LVRN: variants seen among roughly 807,000 people sequenced by gnomAD.
LVRN encodes laeverin.
In LVRN, 99 loss-of-function variants were observed where a neutral mutation model predicts 111.4. That is an observed-to-expected ratio of 0.89 (90% CI 0.76 to 1.05). The LOEUF is 1.05. LVRN is among the 50% of genes least tolerant of loss of function. The pLI, the probability that LVRN is intolerant of heterozygous loss-of-function variation, is 0.00. For synonymous variants in LVRN, 488 were observed against 449.5 expected (o/e 1.09, Z -1.08); for missense variants, 1,414 against 1,206.8 (o/e 1.17, Z -2.54).
intron 13 of LVRN, among the ~76,000 whole-genome samples, chr5:116,007,852 A>T (rs942265012): frequency 1.3e-5 from 2 of 152,128 alleles, no homozygotes; most frequent in Non-Finnish European, 2.9e-5. Flanking sequence ...CTTTTTCATG[A>T]TTGTTATATC....
rs1448630095 is a variant in LVRN at position 116,001,080 on chromosome 5, A to G, written c.1661A>G (p.Gln554Arg). The G allele has an allele frequency of 2.5e-6, 4 of 1,607,052 alleles. No individual in the cohort carries two copies. The highest frequency in any genetic ancestry group is 2.2e-5 in the South Asian group (2 of 89,612). ...WRHFQMAIDD[Q>R]STVILPATIK... Reference sequence around the variant, plus strand: ...TTTTTAAAACAGGCCATAGATGACCAGAGTACAGTTATTTTGCCAGCAACA... The same window carrying G: ...TTTTTAAAACAGGCCATAGATGACCGGAGTACAGTTATTTTGCCAGCAACA... The change falls in exon 10 of 20, where the codon CAG (glutamine) becomes CGG (arginine). Residue 554 changes from glutamine to arginine, a missense_variant. Coordinates refer to ENST00000357872, the MANE Select transcript of LVRN (RefSeq NM_173800.5).
intron 18 of LVRN, 50 bp downstream of exon 18, chr5:116,015,815 C>A: frequency 6.3e-7 from 1 of 1,598,434 alleles, no homozygotes; most frequent in South Asian, 1.1e-5. Context: ...TGGTTTGGCA[C>A]TGGAAGCTCA....
At chr5:115,971,856 A>G (rs989406781) in intron 1 of LVRN, among the ~76,000 whole-genome samples, 2 of 152,078 alleles carry the variant, frequency 1.3e-5, no homozygotes, top group Admixed American at 6.5e-5. Context: ...AAAGAAAAAA[A>G]AGCACCTGCT....
At chr5:115,987,434 A>G (rs973710643) in intron 3 of LVRN, among the ~76,000 whole-genome samples, 3 of 152,148 alleles carry the variant, frequency 2.0e-5, no homozygotes, top group East Asian at 3.8e-4. Context: ...TCACAGTGCA[A>G]TTCTGTTTTG....
intron 1 of LVRN, among the ~76,000 whole-genome samples, chr5:115,964,577 A>T (rs904951960): frequency 2.0e-5 from 3 of 151,264 alleles, no homozygotes; most frequent in Non-Finnish European, 4.4e-5. Context: ...AAAAAATAGA[A>T]ACACTTCACC....
chr5:115,995,737 C>A (rs1203303246), intron 6 of LVRN, among the ~76,000 whole-genome samples: 1 of 152,202 alleles, frequency 6.6e-6, no homozygotes, highest in Non-Finnish European at 1.5e-5. Context: ...AGTCCTCAAA[C>A]CAACCATATG....
At chr5:116,002,763 C>G in intron 10 of LVRN, 72 bp from the exon 11 acceptor site, 1 of 1,140,054 alleles carries the variant, frequency 8.8e-7, no homozygotes, top group East Asian at 2.5e-5. Flanking sequence ...TTCATCATCT[C>G]TTTAATAGTG....
In LVRN at chr5:115,992,227, G is replaced by GA; in HGVS notation, c.1217dup (p.Thr407AspfsTer39). ...GTTGGAACCAAAAGATCAACTGACA[G>GA]AAAAAAAGACTCTGATCTCCTATGT... On this transcript the variant is annotated frameshift_variant, in exon 5 of 20. Coordinates refer to ENST00000357872, the MANE Select transcript of LVRN (RefSeq NM_173800.5). LOFTEE classifies it high-confidence loss of function. 2 of 1,613,838 alleles carry GA rather than the reference G, an allele frequency of 1.2e-6. No homozygotes were observed. The highest frequency in any genetic ancestry group is 1.6e-4 in the Middle Eastern group (1 of 6,062).
At chr5:116,009,264 A>G (rs1401212077) in intron 13 of LVRN, among the ~76,000 whole-genome samples, 2 of 151,532 alleles carry the variant, frequency 1.3e-5, no homozygotes, top group Admixed American at 6.6e-5. Flanking sequence ...ACTGCTCAGG[A>G]AAAAAAAAGA....
At chr5:115,963,392 G>T in intron 1 of LVRN, 80 bp downstream of exon 1, 1 of 1,164,308 alleles carries the variant, frequency 8.6e-7, no homozygotes, top group South Asian at 1.7e-5. Flanking sequence ...GCTGACTACC[G>T]TGTCCAGGTG....
Position 115,978,507 on chromosome 5 carries a change from A to G in LVRN, c.696-4780A>G, listed in dbSNP as rs144973479. Reference sequence around the variant, plus strand: ...CTGCATGAGGACCCCAGCAGCCTATAAGTTCCTGCTTATTCTTAAGTGACA... The same window carrying G: ...CTGCATGAGGACCCCAGCAGCCTATGAGTTCCTGCTTATTCTTAAGTGACA... On this transcript the variant is annotated intron_variant, in intron 1 of 19. Coordinates refer to ENST00000357872, the MANE Select transcript of LVRN (RefSeq NM_173800.5). Among the ~76,000 whole-genome samples, 259 of 152,302 alleles carry G rather than the reference A, an allele frequency of 1.7e-3. 1 individual carries two copies. The highest frequency in any genetic ancestry group is 5.1e-3 in the African/African-American group (211 of 41,556).
chr5:115,963,336 C>T, intron 1 of LVRN, 24 bp downstream of exon 1: 1 of 1,533,476 alleles, frequency 6.5e-7, no homozygotes, highest in Non-Finnish European at 8.8e-7. Flanking sequence ...AGCCCGGGGC[C>T]CCTCTCGGCC....
chr5:115,991,769 A>G (rs1561560429), intron 4 of LVRN, among the ~76,000 whole-genome samples: 1 of 152,212 alleles, frequency 6.6e-6, no homozygotes, highest in Non-Finnish European at 1.5e-5. Flanking sequence ...GATGTTGAGC[A>G]TCTTTTCATA....
At chr5:115,994,933 G>A (rs1369533663) in intron 6 of LVRN, among the ~76,000 whole-genome samples, 1 of 152,050 alleles carries the variant, frequency 6.6e-6, no homozygotes, top group Admixed American at 6.5e-5. Context: ...CCTCTCTTCT[G>A]TCTCCTGTAA....
chr5:116,015,669 A>T lies in LVRN; in HGVS notation c.2660A>T (p.Asn887Ile), dbSNP rs768175728. The T allele has an allele frequency of 5.0e-6, 8 of 1,613,480 alleles. No individual in the cohort carries two copies. The highest frequency in any genetic ancestry group is 1.1e-5 in the South Asian group (1 of 90,950). ...ATCAGCACATCTCCATTCACTTCTA[A>T]TGAAACAAATATAATTGAGGTTGTG... ...YAISTSPFTS[N>I]ETNIIEVVAS... The change falls in exon 18 of 20, where the codon AAT becomes ATT. Residue 887 changes from asparagine to isoleucine, a missense_variant. Transcript: ENST00000357872.
At chr5:115,966,852 G>A (rs1005182609) in intron 1 of LVRN, among the ~76,000 whole-genome samples, 1 of 152,134 alleles carries the variant, frequency 6.6e-6, no homozygotes, top group Admixed American at 6.6e-5. Context: ...TAGGTGTATG[G>A]TAATATCTCA....
intron 7 of LVRN, 41 bp from the exon 8 acceptor site, chr5:116,000,392 T>C (rs779913446): frequency 1.3e-6 from 2 of 1,596,146 alleles, no homozygotes; most frequent in South Asian, 1.1e-5. Flanking sequence ...TATGTGGATA[T>C]TGAATTTTGT....
intron 19 of LVRN, 89 bp downstream of exon 19, chr5:116,022,555 C>A: frequency 2.3e-6 from 2 of 867,818 alleles, no homozygotes; most frequent in Non-Finnish European, 3.7e-6. Context: ...AAATAATATG[C>A]TTATCTGAAT....
intron 18 of LVRN, chr5:116,020,165 G>A (rs1470394758): frequency 6.6e-6 from 1 of 152,222 alleles, no homozygotes; most frequent in Non-Finnish European, 1.5e-5. Flanking sequence ...ACTGGTTGGT[G>A]TGGGAAAATT....
Sources: gnomAD v4.1 joint callset for allele counts (sites outside exome capture counted in the v4.1 genomes callset) on GRCh38, gnomAD v4.1.1 for gene constraint, MANE v1.5 for transcripts, NCBI Gene and HGNC (gene_info 2026-07-23, HGNC 2026-07-21) for gene names.